FKBP9: variants seen among roughly 807,000 people sequenced by gnomAD.
FKBP9 encodes the protein FKBP prolyl isomerase 9.
Under a neutral mutation model 55.6 loss-of-function variants are expected in FKBP9, and 27 were observed. The ratio of observed to expected loss-of-function variants is 0.49; its 90% CI spans 0.36 to 0.67. The LOEUF (loss-of-function observed/expected upper bound fraction) is 0.67, where lower values mean the gene tolerates loss of function less well. Among genes scored for constraint, FKBP9 ranks in the 30% least tolerant of loss-of-function variants. The pLI, the probability that FKBP9 is intolerant of heterozygous loss-of-function variation, is 0.00. For missense variants in FKBP9, 539 were observed against 742.8 expected (o/e 0.73, Z 3.19); for synonymous variants, 267 against 296.5 (o/e 0.90, Z 1.02).
chr7:32,992,919 T>C, intron 6 of FKBP9: 1 of 230,652 alleles, frequency 4.3e-6, no homozygotes, highest in Non-Finnish European at 8.6e-6. Flanking sequence ...CTGACTCACG[T>C]TAACTTCCTA....
At chr7:32,957,850 G>C in intron 1 of FKBP9, 56 bp downstream of exon 1, 1 of 1,308,188 alleles carries the variant, frequency 7.6e-7, no homozygotes, top group Non-Finnish European at 9.9e-7. Context: ...CCTCTCTCCG[G>C]ACAGGCCTTT....
rs369583530 is a variant in FKBP9, at chr7:32,979,262, C to G, written c.704-1102C>G. On this transcript the variant is annotated intron_variant, in intron 4 of 9. Transcript: ENST00000242209. The stretch of plus-strand genomic sequence containing the variant: ...CCAGCCTGGGCAACAGAGCGAGACT[C>G]CGTCTCAAGAAAAAAAAAAAGAAAA... Among the ~76,000 whole-genome samples the G allele has an allele frequency of 4.6e-5, 7 of 151,996 alleles. No homozygotes were observed. In the East Asian group the frequency reaches 1.2e-3, roughly 25 times the overall value.
intron 6 of FKBP9, chr7:32,988,905 G>T (rs1784630742): frequency 6.5e-6 from 2 of 306,482 alleles, no homozygotes; most frequent in Non-Finnish European, 1.2e-5. Flanking sequence ...AGAACTTCTT[G>T]AGAGCCAAAA....
chr7:32,994,683 GC>G (rs1784749837), intron 6 of FKBP9, among the ~76,000 whole-genome samples: 1 of 151,492 alleles, frequency 6.6e-6, no homozygotes, highest in Non-Finnish European at 1.5e-5. Flanking sequence ...ACTTTGGCCA[GC>G]CCCAAAATTT....
In FKBP9 at chr7:33,006,377, G is replaced by A. The variant is rs1250465145; in HGVS notation, c.*1026G>A. The A allele has an allele frequency of 1.0e-5, 2 of 200,418 alleles. No homozygotes were observed. Among genetic ancestry groups the A allele is most frequent in the Non-Finnish European group, 2.1e-5 (2 of 97,214 alleles). 12.4% of individuals were successfully genotyped at this position (200,418 alleles called of 1,614,324 possible). A position where few individuals can be genotyped will look rare whatever the true frequency, so the allele number is the denominator to read the frequency against. On this transcript the variant is annotated 3_prime_UTR_variant, in exon 10 of 10. Coordinates refer to ENST00000242209, the MANE Select transcript of FKBP9 (RefSeq NM_007270.5). ...GATCCGCCCACCTTGGCCTCCCAAA[G>A]TGTTGGGATTACAGGCGTGACTCAC...
chr7:32,982,102 C>G (rs1199921088), intron 5 of FKBP9, among the ~76,000 whole-genome samples: 1 of 150,106 alleles, frequency 6.7e-6, no homozygotes, highest in Non-Finnish European at 1.5e-5. Context: ...CTCACTGCAA[C>G]CTCCACCTCC....
At chr7:32,995,412 C>T (rs1784766060) in intron 6 of FKBP9, among the ~76,000 whole-genome samples, 2 of 152,006 alleles carry the variant, frequency 1.3e-5, no homozygotes, top group African/African-American at 4.8e-5. Flanking sequence ...GTTTAAGTGT[C>T]CCCCACGCCC....
At chr7:32,987,167 A>G (rs1311469536) in intron 5 of FKBP9, among the ~76,000 whole-genome samples, 2 of 151,628 alleles carry the variant, frequency 1.3e-5, no homozygotes, top group African/African-American at 2.4e-5. Context: ...GGAATTCATT[A>G]CTCTCAGTGT....
At chr7:32,978,296 C>T (rs1447654648) in intron 4 of FKBP9, among the ~76,000 whole-genome samples, 2 of 151,600 alleles carry the variant, frequency 1.3e-5, no homozygotes, top group Non-Finnish European at 2.9e-5. Flanking sequence ...GAATTCCCTA[C>T]TAAAAGAAAA....
intron 4 of FKBP9, among the ~76,000 whole-genome samples, chr7:32,978,354 C>A (rs1187707315): frequency 6.6e-6 from 1 of 152,044 alleles, no homozygotes; most frequent in Non-Finnish European, 1.5e-5. Context: ...CTCCCCCCCA[C>A]TGAGATATAA....
intron 5 of FKBP9, among the ~76,000 whole-genome samples, chr7:32,983,640 A>G (rs189389857): frequency 6.6e-6 from 1 of 152,154 alleles, no homozygotes; most frequent in African/African-American, 2.4e-5. Context: ...ATACCTTTTG[A>G]TACATACTAC....
chr7:32,966,659 A>G (rs1449502607), intron 1 of FKBP9, among the ~76,000 whole-genome samples: 1 of 152,172 alleles, frequency 6.6e-6, no homozygotes, highest in East Asian at 1.9e-4. Flanking sequence ...TGGGTAATTT[A>G]TAAGAAAAGA....
chr7:32,975,652 CT>C (rs55749052), intron 3 of FKBP9, among the ~76,000 whole-genome samples: 59 of 146,268 alleles, frequency 4.0e-4, no homozygotes, highest in African/African-American at 9.1e-4. Flanking sequence ...CTATTTCTTT[CT>C]TTTTTTTTTT....
chr7:32,967,039 T>C (rs926439715), intron 1 of FKBP9, among the ~76,000 whole-genome samples: 1 of 152,056 alleles, frequency 6.6e-6, no homozygotes, highest in African/African-American at 2.4e-5. Context: ...TGGCTTCCTG[T>C]CTGTAGGGTC....
intron 5 of FKBP9, among the ~76,000 whole-genome samples, chr7:32,985,275 A>G (rs1784554155): frequency 6.6e-6 from 1 of 151,238 alleles, no homozygotes; most frequent in South Asian, 2.1e-4. Flanking sequence ...CTCCAGGTTC[A>G]AGCGATTCTC....
chr7:32,972,335 T>C (rs931797758), intron 1 of FKBP9, among the ~76,000 whole-genome samples: 4 of 152,060 alleles, frequency 2.6e-5, no homozygotes, highest in Non-Finnish European at 5.9e-5. Flanking sequence ...AGGAAACTTA[T>C]TAAAATAGGC....
rs562940076 is a variant in FKBP9, at chr7:32,972,928, G to A, written c.222-1689G>A. Reference sequence around the variant, plus strand: ...GTAGAGATGGGGTTTCACCATGTTGGCCAGGCTGGTCTCGAACTCCTAATC... The same window carrying A: ...GTAGAGATGGGGTTTCACCATGTTGACCAGGCTGGTCTCGAACTCCTAATC... On this transcript the variant is annotated intron_variant, in intron 1 of 9. Transcript: ENST00000242209. Among the ~76,000 whole-genome samples, 3 of 152,178 alleles carry A rather than the reference G, an allele frequency of 2.0e-5. No homozygotes were observed. In the East Asian group the frequency reaches 5.8e-4, roughly 29 times the overall value.
At chr7:32,960,108 C>CTTTTTTTTTTTTT (rs398004304) in intron 1 of FKBP9, among the ~76,000 whole-genome samples, 1 of 98,630 alleles carries the variant, frequency 1.0e-5, no homozygotes, top group East Asian at 3.0e-4. Flanking sequence ...TTGTACTTGT[C>CTTTTTTTTTTTTT]TTTTTTTTTT....
At chr7:32,984,213 G>T (rs1387214553) in intron 5 of FKBP9, among the ~76,000 whole-genome samples, 1 of 151,290 alleles carries the variant, frequency 6.6e-6, no homozygotes, top group Non-Finnish European at 1.5e-5. Context: ...TTCTTTATTA[G>T]AATTTTTATT....
Sources: gnomAD v4.1 joint callset for allele counts (sites outside exome capture counted in the v4.1 genomes callset) on GRCh38, gnomAD v4.1.1 for gene constraint, MANE v1.5 for transcripts, NCBI Gene and HGNC (gene_info 2026-07-23, HGNC 2026-07-21) for gene names.